The following NEDD4L variants were observed in gnomAD, a reference collection of about 807,000 sequenced individuals.
The protein encoded by NEDD4L is E3 ubiquitin-protein ligase NEDD4-like.
A neutral mutation model predicts 148.9 loss-of-function variants in NEDD4L; 54 were observed. The observed-to-expected ratio is 0.36, with a 90% confidence interval of 0.29 to 0.45. NEDD4L has a LOEUF of 0.45. Ranked by LOEUF, NEDD4L falls within the 20% of genes least tolerant of loss-of-function variation. The pLI is 1.00. For synonymous variants in NEDD4L, 433 were observed against 440.7 expected (o/e 0.98, Z 0.22); for missense variants, 856 against 1,233.8 (o/e 0.69, Z 4.59).
chr18:58,289,798 CT>C (rs756642049), intron 5 of NEDD4L, among the ~76,000 whole-genome samples: 2 of 152,164 alleles, frequency 1.3e-5, no homozygotes, highest in African/African-American at 4.8e-5. Context: ...TATAAAATCC[CT>C]TGAAATCTAT....
At chr18:58,319,344 C>T (rs1461902126) in intron 6 of NEDD4L, among the ~76,000 whole-genome samples, 1 of 152,188 alleles carries the variant, frequency 6.6e-6, no homozygotes, top group African/African-American at 2.4e-5. Flanking sequence ...GGCTTAGGTG[C>T]TTGCAGTGGT....
chr18:58,257,478 A>G (rs773082598), intron 5 of NEDD4L, among the ~76,000 whole-genome samples: 1 of 152,132 alleles, frequency 6.6e-6, no homozygotes, highest in Non-Finnish European at 1.5e-5. Flanking sequence ...GCCCAAGGCT[A>G]GGGGAAACTG....
chr18:58,346,269 C>T (rs954608506), intron 16 of NEDD4L, among the ~76,000 whole-genome samples: 16 of 152,278 alleles, frequency 1.1e-4, no homozygotes, highest in African/African-American at 3.9e-4. Context: ...AGTCTGAAAC[C>T]TTGTAAGCAC....
At chr18:58,108,179 G>A (rs1341836855) in intron 1 of NEDD4L, among the ~76,000 whole-genome samples, 1 of 152,184 alleles carries the variant, frequency 6.6e-6, no homozygotes, top group Non-Finnish European at 1.5e-5. Flanking sequence ...AAATTAGTTT[G>A]TTATTTTGAT....
chr18:58,198,425 A>T (rs993232848), intron 2 of NEDD4L, among the ~76,000 whole-genome samples: 1 of 152,078 alleles, frequency 6.6e-6, no homozygotes, highest in African/African-American at 2.4e-5. Flanking sequence ...TCCCAACTGG[A>T]TCTTTTCTAC....
intron 1 of NEDD4L, among the ~76,000 whole-genome samples, chr18:58,154,518 G>C (rs367911929): frequency 7.6e-4 from 116 of 152,260 alleles, no homozygotes; most frequent in Admixed American, 2.2e-3. Flanking sequence ...GGGTGTGATG[G>C]CTCACACCCA....
In NEDD4L at chr18:58,209,932, CA is replaced by C. The variant is rs527642356; in HGVS notation, c.123-35493del. On this transcript the variant is annotated intron_variant, in intron 2 of 30. Coordinates refer to ENST00000400345, the MANE Select transcript of NEDD4L (RefSeq NM_001144967.3). ...CTGTAATTCTAGCACTTTGGGAGGC[CA>C]AGGCGGGCGGATCACCTGAGGTCGG... Among the ~76,000 whole-genome samples the C allele has an allele frequency of 1.5e-3, 224 of 152,066 alleles. 2 individuals carry two copies. The South Asian group carries it at 0.017, about 11-fold the overall frequency.
chr18:58,229,717 C>T lies in NEDD4L; in HGVS notation c.123-15710C>T, dbSNP rs938512711. 1.4e-4 allele frequency among the ~76,000 whole-genome samples: 21 copies of T among 152,176 alleles called. No homozygotes were observed. In the Middle Eastern group the frequency reaches 0.01, roughly 74 times the overall value. On this transcript the variant is annotated intron_variant, in intron 2 of 30. Coordinates refer to ENST00000400345, the MANE Select transcript of NEDD4L (RefSeq NM_001144967.3). ...TTTAAAGACAGCTTTTTCGGCTGGG[C>T]GCGGTGGCTCATGCCTGTAAGCCCA... is the stretch of plus-strand genomic sequence containing the variant.
chr18:58,288,287 G>A (rs1188450632), intron 5 of NEDD4L, among the ~76,000 whole-genome samples: 2 of 152,202 alleles, frequency 1.3e-5, no homozygotes, highest in Non-Finnish European at 2.9e-5. Flanking sequence ...AATGTAATCT[G>A]TCTTTGTTTA....
chr18:58,385,420 C>T, intron 25 of NEDD4L, 106 bp from the exon 26 acceptor site: 1 of 892,764 alleles, frequency 1.1e-6, no homozygotes, highest in South Asian at 1.3e-5. Flanking sequence ...ACCCTCCCCT[C>T]TGCTCTGCTG....
chr18:58,354,558 G>A (rs528462046), intron 18 of NEDD4L, among the ~76,000 whole-genome samples: 1 of 151,968 alleles, frequency 6.6e-6, no homozygotes, highest in Non-Finnish European at 1.5e-5. Flanking sequence ...AAAAGCTTAG[G>A]CTCTTTTTAA....
intron 1 of NEDD4L, among the ~76,000 whole-genome samples, chr18:58,158,233 C>A (rs1379735219): frequency 1.3e-5 from 2 of 152,254 alleles, no homozygotes; most frequent in African/African-American, 4.8e-5. Flanking sequence ...GTCTGCACAT[C>A]ATAGCAACAG....
chr18:58,395,921 C>G (rs6566965), intron 30 of NEDD4L, among the ~76,000 whole-genome samples: 2 of 152,072 alleles, frequency 1.3e-5, no homozygotes, highest in African/African-American at 4.8e-5. Context: ...AGGATTCCTC[C>G]GAGATCTGCA....
chr18:58,281,826 C>G lies in NEDD4L; in HGVS notation c.297+29772C>G, dbSNP rs2053159207. 1.3e-5 allele frequency among the ~76,000 whole-genome samples: 2 copies of G among 151,978 alleles called. 1 individual carries two copies. The highest frequency in any genetic ancestry group is 4.8e-5 in the African/African-American group (2 of 41,436). On this transcript the variant is annotated intron_variant, in intron 5 of 30. Coordinates refer to ENST00000400345, the MANE Select transcript of NEDD4L (RefSeq NM_001144967.3). Reference sequence around the variant, plus strand: ...GGATCACGAGGTCAGGAGATCGAGACCGTCCTGGCTAACATTGTGGAAGCC... The same window carrying G: ...GGATCACGAGGTCAGGAGATCGAGAGCGTCCTGGCTAACATTGTGGAAGCC...
chr18:58,070,546 T>G (rs1405228912), intron 1 of NEDD4L, among the ~76,000 whole-genome samples: 1 of 152,132 alleles, frequency 6.6e-6, no homozygotes, highest in African/African-American at 2.4e-5. Flanking sequence ...AGCTCCAACA[T>G]ATTCCTGGGA....
At chr18:58,190,374 A>G (rs2039973580) in intron 2 of NEDD4L, among the ~76,000 whole-genome samples, 1 of 152,224 alleles carries the variant, frequency 6.6e-6, no homozygotes, top group Non-Finnish European at 1.5e-5. Flanking sequence ...ATATCTTTAT[A>G]ATGGAATAGT....
At chr18:58,298,423 A>G (rs191634174) in intron 5 of NEDD4L, among the ~76,000 whole-genome samples, 7 of 152,324 alleles carry the variant, frequency 4.6e-5, no homozygotes, top group Middle Eastern at 6.8e-3. Context: ...CCACTGCACA[A>G]TTAGGGCTTG....
At chr18:58,229,684 C>T (rs2044837580) in intron 2 of NEDD4L, among the ~76,000 whole-genome samples, 1 of 152,124 alleles carries the variant, frequency 6.6e-6, no homozygotes, top group Non-Finnish European at 1.5e-5. Flanking sequence ...GAGGCTTATA[C>T]AACTTCATTT....
intron 5 of NEDD4L, among the ~76,000 whole-genome samples, chr18:58,313,483 A>T (rs1281655848): frequency 2.0e-5 from 3 of 152,140 alleles, no homozygotes; most frequent in Non-Finnish European, 4.4e-5. Context: ...CTCCCTTCTC[A>T]TCTACACCGT....
Sources: allele counts gnomAD v4.1 joint callset (sites outside exome capture counted in the v4.1 genomes callset), GRCh38; gene constraint gnomAD v4.1.1; transcripts MANE v1.5; gene names NCBI Gene and HGNC (gene_info 2026-07-23, HGNC 2026-07-21).